Variants in PARN observed in about 807,000 individuals in gnomAD.
The protein encoded by PARN is poly(A)-specific ribonuclease PARN.
In PARN, 71 loss-of-function variants were observed where a neutral mutation model predicts 102.8. That is an observed-to-expected ratio of 0.69 (90% CI 0.57 to 0.84). The LOEUF is 0.84. Ranked by LOEUF, PARN falls within the 40% of genes least tolerant of loss-of-function variation. PARN has a pLI of 0.00. For missense variants in PARN, 782 were observed against 760.9 expected, an observed-to-expected ratio of 1.03 and a Z score of -0.33; for synonymous variants, 261 against 252.9, an observed-to-expected ratio of 1.03 and a Z score of -0.30.
chr16:14,544,850 C>T (rs530922309), intron 21 of PARN, among the ~76,000 whole-genome samples: 1 of 152,222 alleles, frequency 6.6e-6, no homozygotes, highest in South Asian at 2.1e-4. Context: ...TTTAACCCTT[C>T]TCAAAAACTG....
intron 22 of PARN, among the ~76,000 whole-genome samples, chr16:14,472,907 T>G (rs1962828590): frequency 6.6e-6 from 1 of 152,210 alleles, no homozygotes; most frequent in South Asian, 2.1e-4. Context: ...AGGATAACAT[T>G]TATACAACCA....
At chr16:14,503,698 T>C (rs1015081343) in intron 21 of PARN, among the ~76,000 whole-genome samples, 1 of 152,212 alleles carries the variant, frequency 6.6e-6, no homozygotes, top group African/African-American at 2.4e-5. Flanking sequence ...GTCACCTGCC[T>C]CAGGGTGGTA....
intron 21 of PARN, among the ~76,000 whole-genome samples, chr16:14,531,078 T>G (rs1966302135): frequency 6.6e-6 from 1 of 152,144 alleles, no homozygotes; most frequent in Admixed American, 6.5e-5. Context: ...AGGCCAGGCG[T>G]GGTGTCTCAT....
intron 21 of PARN, among the ~76,000 whole-genome samples, chr16:14,517,266 A>T (rs1248144591): frequency 6.6e-6 from 1 of 152,268 alleles, no homozygotes; most frequent in African/African-American, 2.4e-5. Context: ...ATTAACAAGC[A>T]TAATGCAAAC....
At chr16:14,629,855 C>CG (rs1410866704) in intron 1 of PARN, among the ~76,000 whole-genome samples, 181 bp from the exon 2 acceptor site, 10 of 152,128 alleles carry the variant, frequency 6.6e-5, no homozygotes, top group South Asian at 2.1e-4. Context: ...GGACAAGCCC[C>CG]GGGGGGTGCC....
intron 21 of PARN, among the ~76,000 whole-genome samples, chr16:14,537,178 A>G (rs987329054): frequency 6.6e-6 from 1 of 152,212 alleles, no homozygotes; most frequent in Non-Finnish European, 1.5e-5. Context: ...GGCAACAAAC[A>G]TAAGAAAATG....
intron 18 of PARN, among the ~76,000 whole-genome samples, chr16:14,570,882 G>A (rs529161570): frequency 7.9e-5 from 12 of 151,832 alleles, no homozygotes; most frequent in African/African-American, 2.9e-4. Flanking sequence ...CTACTTGGGA[G>A]GCTGAGGCAG....
chr16:14,625,937 C>T (rs1202195445), intron 5 of PARN, among the ~76,000 whole-genome samples: 1 of 152,182 alleles, frequency 6.6e-6, no homozygotes, highest in Non-Finnish European at 1.5e-5. Context: ...CCCTTACTCA[C>T]ATTCTCCTTA....
chr16:14,599,792 G>T, intron 12 of PARN, 112 bp downstream of exon 12: 1 of 660,344 alleles, frequency 1.5e-6, no homozygotes, highest in South Asian at 2.2e-5. Context: ...TTCTTAGAAT[G>T]TTCTAGGTAA....
chr16:14,463,852 C>CGG (rs1379207947), intron 22 of PARN, among the ~76,000 whole-genome samples: 1 of 106,674 alleles, frequency 9.4e-6, no homozygotes, highest in African/African-American at 4.1e-5. Context: ...GGGGGGGGGA[C>CGG]GACAAGGTCT....
chr16:14,558,315 C>G (rs4780757), intron 18 of PARN: 4 of 151,904 alleles, frequency 2.6e-5, no homozygotes, highest in African/African-American at 9.7e-5. Flanking sequence ...CTGGCCAACA[C>G]GGTGAAACCC....
rs72787692 is a variant in PARN at position 14,582,086 on chromosome 16, C to G, written c.1192+95G>C. On this transcript the variant is annotated intron_variant, in intron 17 of 23. Transcript: ENST00000437198. Reference sequence around the variant, plus strand: ...AAATGTCTGTTGTTTAAGCCCCACACTCGACAGTAATTTATTACAGCAGCC... The same window carrying G: ...AAATGTCTGTTGTTTAAGCCCCACAGTCGACAGTAATTTATTACAGCAGCC... 207,584 of 820,436 alleles carry G rather than the reference C, an allele frequency of 0.25. 29,231 individuals are homozygous for G. The highest frequency in any genetic ancestry group is 0.33 in the Middle Eastern group (1,464 of 4,380). The allele number at this position is 820,436 out of a possible 1,614,324, so 50.8% of individuals were successfully genotyped here. A position where few individuals can be genotyped will look rare whatever the true frequency, so the allele number is the denominator to read the frequency against.
At chr16:14,460,298 C>T (rs570535762) in intron 22 of PARN, among the ~76,000 whole-genome samples, 27 of 152,260 alleles carry the variant, frequency 1.8e-4, no homozygotes, top group African/African-American at 6.3e-4. Flanking sequence ...AAGCTTCCAA[C>T]ATGACAGACA....
At chr16:14,484,662 G>C (rs1377595494) in intron 21 of PARN, among the ~76,000 whole-genome samples, 1 of 152,152 alleles carries the variant, frequency 6.6e-6, no homozygotes, top group East Asian at 1.9e-4. Context: ...TTAAAACAGA[G>C]GGAAAGACAA....
chr16:14,627,739 G>A (rs1013488046), intron 3 of PARN, among the ~76,000 whole-genome samples: 4 of 152,168 alleles, frequency 2.6e-5, no homozygotes, highest in Non-Finnish European at 4.4e-5. Context: ...TGTAATCCCA[G>A]CACTTTGGGA....
chr16:14,538,692 C>T (rs1451571296), intron 21 of PARN, among the ~76,000 whole-genome samples: 4 of 152,072 alleles, frequency 2.6e-5, no homozygotes, highest in Admixed American at 2.6e-4. Context: ...TAACATAGGC[C>T]CTAAAACCGA....
rs974361538 is a variant in PARN, at chr16:14,599,885, A to G, written c.840+19T>C. 2 of 1,547,252 alleles carry G rather than the reference A, an allele frequency of 1.3e-6. No individual in the cohort carries two copies. The highest frequency in any genetic ancestry group is 1.4e-5 in the African/African-American group (1 of 73,436). ...AATAGTATGTTCTGCAATCTTGCTA[A>G]AAAGTCTGGCTCACTTACCGAATTA... is the stretch of plus-strand genomic sequence containing the variant. On this transcript the variant is annotated intron_variant, in intron 12 of 23. Transcript: ENST00000437198.
chr16:14,478,778 T>C (rs1430277778), intron 22 of PARN, among the ~76,000 whole-genome samples: 1 of 152,200 alleles, frequency 6.6e-6, no homozygotes, highest in Non-Finnish European at 1.5e-5. Flanking sequence ...TATATAACAA[T>C]GAATTATATT....
chr16:14,619,545 T>C lies in PARN; in HGVS notation c.328-1895A>G, dbSNP rs1337919812. 2.6e-5 allele frequency among the ~76,000 whole-genome samples: 4 copies of C among 151,880 alleles called. No homozygotes were observed. The East Asian group carries it at 7.8e-4, about 30-fold the overall frequency. ...TTTAGGAGATGGTGGGAGGATCGCTTGAGCCCAAGACTTCGAGACCAGCCT... is the reference window on the plus strand; with the variant it reads ...TTTAGGAGATGGTGGGAGGATCGCTCGAGCCCAAGACTTCGAGACCAGCCT... On this transcript the variant is annotated intron_variant, in intron 5 of 23. Transcript: ENST00000437198.
Sources: allele counts gnomAD v4.1 joint callset (sites outside exome capture counted in the v4.1 genomes callset), GRCh38; gene constraint gnomAD v4.1.1; transcripts MANE v1.5; gene names NCBI Gene and HGNC (gene_info 2026-07-23, HGNC 2026-07-21).